Variants in CCDC170 observed in about 807,000 individuals in gnomAD.
CCDC170 encodes the protein coiled-coil domain containing 170, also known as coiled-coil domain-containing protein 170.
In CCDC170, 69 loss-of-function variants were observed where a neutral mutation model predicts 72.6. The observed-to-expected ratio is 0.95, with a 90% CI of 0.78 to 1.16. The LOEUF is 1.16. Ranked by LOEUF, CCDC170 falls within the 50% of genes most tolerant of loss-of-function variation. The probability of loss-of-function intolerance (pLI) is 0.00; values close to 1 mark genes in which losing one functional copy is unlikely to be tolerated. For missense variants in CCDC170, 852 were observed against 832.5 expected, an observed-to-expected ratio of 1.02 and a Z score of -0.29; for synonymous variants, 300 against 303.9, an observed-to-expected ratio of 0.99 and a Z score of 0.13.
rs546724803 is a variant in CCDC170, at chr6:151,593,367, T to C, written c.1467+87T>C. The stretch of plus-strand genomic sequence containing the variant: ...AAAAATAATGTACTGCCACCATGTT[T>C]ACCAGTGTAGCTAGGAAGGCTCTTA... On this transcript the variant is annotated intron_variant, in intron 8 of 10. Coordinates refer to ENST00000239374, the MANE Select transcript of CCDC170 (RefSeq NM_025059.4). 1.0e-4 allele frequency: 140 copies of C among 1,376,326 alleles called. 1 individual carries two copies. In the South Asian group the frequency reaches 1.6e-3, roughly 15 times the overall value. 85.3% of individuals were successfully genotyped at this position (1,376,326 alleles called of 1,614,324 possible). A position where few individuals can be genotyped will look rare whatever the true frequency, so the allele number is the denominator to read the frequency against.
intron 5 of CCDC170, among the ~76,000 whole-genome samples, chr6:151,570,162 G>A (rs1776197900): frequency 6.6e-6 from 1 of 152,128 alleles, no homozygotes; most frequent in Non-Finnish European, 1.5e-5. Context: ...CAGTTGAGTT[G>A]TCTACTCCAA....
At chr6:151,544,860 G>T in intron 4 of CCDC170, 144 bp downstream of exon 4, 2 of 679,198 alleles carry the variant, frequency 2.9e-6, no homozygotes, top group Non-Finnish European at 4.7e-6. Flanking sequence ...GTATGACTTG[G>T]GACAAGTCAC....
At chr6:151,555,222 G>T (rs1441751295) in intron 5 of CCDC170, among the ~76,000 whole-genome samples, 2 of 151,998 alleles carry the variant, frequency 1.3e-5, no homozygotes, top group Non-Finnish European at 2.9e-5. Context: ...GGAAAATAAG[G>T]CTCTCTTACT....
chr6:151,517,613 T>C (rs1562268801), intron 1 of CCDC170, among the ~76,000 whole-genome samples: 1 of 151,946 alleles, frequency 6.6e-6, no homozygotes, highest in Non-Finnish European at 1.5e-5. Context: ...TTTTTTTCTT[T>C]TTGTATTTTT....
At chr6:151,519,560 G>C (rs1036605122) in intron 1 of CCDC170, among the ~76,000 whole-genome samples, 2 of 152,310 alleles carry the variant, frequency 1.3e-5, no homozygotes, top group East Asian at 1.9e-4. Context: ...AGAGATTAAA[G>C]TAAAGACAGG....
In CCDC170 at chr6:151,589,266, AC is replaced by A. The variant is rs562067685; in HGVS notation, c.1293+3178del. ...ACTCCCTCTCAAAACAAACAAACAA[AC>A]AAACAAACAAACACAATAAAACAAC... is the stretch of plus-strand genomic sequence containing the variant. On this transcript the variant is annotated intron_variant, in intron 7 of 10. Transcript: ENST00000239374. 4.5e-3 allele frequency among the ~76,000 whole-genome samples: 508 copies of A among 112,020 alleles called. 2 individuals carry two copies. The highest frequency in any genetic ancestry group is 0.012 in the African/African-American group (467 of 38,130). 73.5% of individuals were successfully genotyped at this position (112,020 alleles called of 152,430 possible). A position where few individuals can be genotyped will look rare whatever the true frequency, so the allele number is the denominator to read the frequency against.
Position 151,494,092 on chromosome 6 carries a change from G to C in CCDC170, c.-37G>C, listed in dbSNP as rs1295355228. 3 of 1,486,816 alleles carry C rather than the reference G, an allele frequency of 2.0e-6. No homozygotes were observed. Among genetic ancestry groups the C allele is most frequent in the Non-Finnish European group, 2.7e-6 (3 of 1,125,456 alleles). 92.1% of individuals were successfully genotyped at this position (1,486,816 alleles called of 1,614,324 possible). A position where few individuals can be genotyped will look rare whatever the true frequency, so the allele number is the denominator to read the frequency against. On this transcript the variant is annotated 5_prime_UTR_variant, in exon 1 of 11. Coordinates refer to ENST00000239374, the MANE Select transcript of CCDC170 (RefSeq NM_025059.4). ...CGGCGCCGCCGCTTCCTCAGGGCCG[G>C]TTCCGGGTCCGAGCGCGCCCCCGGG...
intron 9 of CCDC170, among the ~76,000 whole-genome samples, chr6:151,596,839 T>A: frequency 6.6e-6 from 1 of 152,146 alleles, no homozygotes; most frequent in East Asian, 1.9e-4. Flanking sequence ...TTTTAAAATT[T>A]TTTTGAGGAG....
At position 151,516,989 on chromosome 6, in the gene CCDC170, T is replaced by C. The variant is rs1162694455; in HGVS notation, c.58-19329T>C. Among the ~76,000 whole-genome samples the C allele has an allele frequency of 2.6e-5, 4 of 152,372 alleles. No homozygotes were observed. In the East Asian group the frequency reaches 7.7e-4, roughly 29 times the overall value. On this transcript the variant is annotated intron_variant, in intron 1 of 10. Transcript: ENST00000239374. ...CTTCCACCCATGCAAGCTTCCAGCT[T>C]ACTTGTCTATGCCTGCAGCTTGATT...
chr6:151,574,165 A>G lies in CCDC170; in HGVS notation c.1092+674A>G, dbSNP rs554680501. On this transcript the variant is annotated intron_variant, in intron 6 of 10. Transcript: ENST00000239374. ...GAGTTTGAAGCTGCAGTGAGCTATG[A>G]TTGCGTCTCTGCTCTCCAGCCTGGG... Among the ~76,000 whole-genome samples, 4 of 152,324 alleles carry G rather than the reference A, an allele frequency of 2.6e-5. No individual in the cohort carries two copies. The East Asian group carries it at 7.7e-4, about 29-fold the overall frequency.
intron 1 of CCDC170, among the ~76,000 whole-genome samples, chr6:151,528,586 C>G (rs1482719072): frequency 6.6e-6 from 1 of 152,128 alleles, no homozygotes; most frequent in Non-Finnish European, 1.5e-5. Context: ...TGGCTCATGC[C>G]TGTAATCCCA....
chr6:151,555,762 C>A (rs1321233931), intron 5 of CCDC170, among the ~76,000 whole-genome samples: 3 of 152,184 alleles, frequency 2.0e-5, no homozygotes. Flanking sequence ...TTATGGCCAC[C>A]CTTCAAATGG....
intron 1 of CCDC170, among the ~76,000 whole-genome samples, chr6:151,495,498 T>C (rs1202252100): frequency 4.6e-5 from 7 of 152,076 alleles, no homozygotes; most frequent in Non-Finnish European, 8.8e-5. Context: ...CTCCTTTTCT[T>C]TCTTTCTTCT....
At chr6:151,500,488 A>G (rs1469778500) in intron 1 of CCDC170, among the ~76,000 whole-genome samples, 1 of 151,942 alleles carries the variant, frequency 6.6e-6, no homozygotes, top group African/African-American at 2.4e-5. Flanking sequence ...GTTAACTAAG[A>G]AAAGCCATAT....
intron 7 of CCDC170, among the ~76,000 whole-genome samples, chr6:151,592,819 A>G (rs1444386160): frequency 6.6e-6 from 1 of 152,238 alleles, no homozygotes; most frequent in Non-Finnish European, 1.5e-5. Context: ...GTCATCAAAC[A>G]TAGCCAAATG....
At chr6:151,497,952 C>CAAAAAAAAAAAAAAAAAA (rs59201906) in intron 1 of CCDC170, among the ~76,000 whole-genome samples, 3 of 58,048 alleles carry the variant, frequency 5.2e-5, no homozygotes, top group Non-Finnish European at 6.7e-5. Context: ...CACACCATCT[C>CAAAAAAAAAAAAAAAAAA]AAAAAAAAAA....
At chr6:151,496,462 C>G (rs1282566087) in intron 1 of CCDC170, among the ~76,000 whole-genome samples, 1 of 152,096 alleles carries the variant, frequency 6.6e-6, no homozygotes. Context: ...GAAAAGGCAG[C>G]ATTTATTACA....
In CCDC170 at chr6:151,585,979, C is replaced by T; in HGVS notation, c.1183C>T (p.Gln395Ter). The T allele has an allele frequency of 1.2e-6, 2 of 1,614,028 alleles. No homozygotes were observed. The highest frequency in any genetic ancestry group is 1.3e-5 in the African/African-American group (1 of 75,026). ...GFHQKALQRA[Q>*]KAENMLETLQ... ...TCACCAGAAAGCTCTCCAGAGGGCC[C>T]AGAAAGCAGAGAATATGTTGGAGAC... Residue 395 changes from glutamine to a stop codon, truncating the protein, a stop_gained, in exon 7 of 11, where the codon CAG becomes TAG. Coordinates refer to ENST00000239374, the MANE Select transcript of CCDC170 (RefSeq NM_025059.4). LOFTEE classifies it high-confidence loss of function.
At position 151,529,572 on chromosome 6, in the gene CCDC170, G is replaced by A. The variant is rs568074210; in HGVS notation, c.58-6746G>A. Among the ~76,000 whole-genome samples the A allele has an allele frequency of 9.2e-5, 14 of 152,216 alleles. No individual in the cohort carries two copies. In the South Asian group the frequency reaches 1.2e-3, roughly 14 times the overall value. The stretch of plus-strand genomic sequence containing the variant: ...CTCGGGAGGCTGAGGCAGGAGAATC[G>A]CTTGAACCCGGGAGGCGGAGGTTGC... On this transcript the variant is annotated intron_variant, in intron 1 of 10. Coordinates refer to ENST00000239374, the MANE Select transcript of CCDC170 (RefSeq NM_025059.4).
Sources: gnomAD v4.1 joint callset for allele counts (sites outside exome capture counted in the v4.1 genomes callset) on GRCh38, gnomAD v4.1.1 for gene constraint, MANE v1.5 for transcripts, NCBI Gene and HGNC (gene_info 2026-07-23, HGNC 2026-07-21) for gene names.